The following DLGAP2 variants were observed in gnomAD, a reference collection of about 807,000 sequenced individuals.
The protein encoded by DLGAP2 is disks large-associated protein 2.
A neutral mutation model predicts 100.3 loss-of-function variants in DLGAP2; 26 were observed. That is an observed-to-expected ratio of 0.26 (90% CI 0.19 to 0.36). DLGAP2 has a LOEUF of 0.36. DLGAP2 is among the 10% of genes least tolerant of loss of function. DLGAP2 has a pLI of 1.00. For missense variants in DLGAP2, 1,858 were observed against 1,453.2 expected, an observed-to-expected ratio of 1.28 and a Z score of -4.53; for synonymous variants, 886 against 630.1, an observed-to-expected ratio of 1.41 and a Z score of -6.08.
At chr8:742,860 A>T (rs868546704) in intron 1 of DLGAP2, among the ~76,000 whole-genome samples, 1 of 152,072 alleles carries the variant, frequency 6.6e-6, no homozygotes, top group African/African-American at 2.4e-5. Context: ...CATCACTAAG[A>T]GTGGGGCCAA....
chr8:1,588,009 C>T (rs935484581), intron 6 of DLGAP2, among the ~76,000 whole-genome samples: 2 of 152,160 alleles, frequency 1.3e-5, no homozygotes, highest in African/African-American at 4.8e-5. Context: ...AACCAAGGGC[C>T]TTACCTGAGT....
intron 8 of DLGAP2, among the ~76,000 whole-genome samples, chr8:1,658,321 C>T (rs1008774628): frequency 1.3e-5 from 2 of 152,106 alleles, no homozygotes; most frequent in Admixed American, 6.5e-5. Flanking sequence ...TATGAAAGCT[C>T]CTAGTCTGCA....
intron 1 of DLGAP2, among the ~76,000 whole-genome samples, chr8:861,983 C>A (rs764562799): frequency 6.6e-6 from 1 of 152,206 alleles, no homozygotes; most frequent in African/African-American, 2.4e-5. Context: ...AAATTCTCAT[C>A]CCACCAACTG....
intron 3 of DLGAP2, among the ~76,000 whole-genome samples, chr8:1,428,154 GA>G (rs1797290376): frequency 7.1e-6 from 1 of 141,278 alleles, no homozygotes; most frequent in Non-Finnish European, 1.6e-5. Flanking sequence ...AATCAAAATA[GA>G]AAACAAAATG....
chr8:784,441 G>T (rs1453264215), intron 1 of DLGAP2, among the ~76,000 whole-genome samples: 1 of 152,206 alleles, frequency 6.6e-6, no homozygotes, highest in Non-Finnish European at 1.5e-5. Context: ...GGAGGAGATG[G>T]AATGGAAATA....
chr8:1,626,974 CG>C (rs1160492125), intron 7 of DLGAP2, 87 bp downstream of exon 7: 2 of 1,469,062 alleles, frequency 1.4e-6, no homozygotes, highest in African/African-American at 2.8e-5. Flanking sequence ...GTGGCGATGG[CG>C]CTGCCCTCCT....
intron 2 of DLGAP2, among the ~76,000 whole-genome samples, chr8:1,182,953 A>G (rs1444121807): frequency 1.3e-5 from 2 of 152,102 alleles, no homozygotes; most frequent in East Asian, 1.9e-4. Flanking sequence ...GACGCGCACC[A>G]TGGAGCCGGT....
intron 2 of DLGAP2, among the ~76,000 whole-genome samples, chr8:1,168,608 G>C (rs1797066030): frequency 1.3e-5 from 2 of 148,904 alleles, no homozygotes; most frequent in South Asian, 2.2e-4. Flanking sequence ...TTGTGGTTTT[G>C]ATTTGCATTT....
chr8:1,242,305 G>A (rs190520799), intron 2 of DLGAP2, among the ~76,000 whole-genome samples: 14 of 152,260 alleles, frequency 9.2e-5, no homozygotes, highest in African/African-American at 2.9e-4. Flanking sequence ...TGCAGGTGAC[G>A]GGGCAGGGCG....
intron 3 of DLGAP2, among the ~76,000 whole-genome samples, chr8:1,340,856 G>C (rs1174265348): frequency 6.6e-6 from 1 of 152,168 alleles, no homozygotes; most frequent in Non-Finnish European, 1.5e-5. Context: ...TGGTAGATTG[G>C]ATAAAGAAAA....
chr8:1,262,898 T>G (rs1040491934), intron 3 of DLGAP2, among the ~76,000 whole-genome samples: 1 of 98,326 alleles, frequency 1.0e-5, no homozygotes, highest in African/African-American at 3.8e-5. Context: ...GTTCATGGAT[T>G]TGTCTGTTGG....
chr8:1,335,239 C>T (rs1801248061), intron 3 of DLGAP2, among the ~76,000 whole-genome samples: 1 of 152,190 alleles, frequency 6.6e-6, no homozygotes, highest in Non-Finnish European at 1.5e-5. Context: ...CTTCGAGCTC[C>T]AAACCAGCTG....
intron 3 of DLGAP2, among the ~76,000 whole-genome samples, chr8:1,328,547 C>T (rs1801076139): frequency 6.6e-6 from 1 of 151,984 alleles, no homozygotes; most frequent in Non-Finnish European, 1.5e-5. Flanking sequence ...GACAGGGTTT[C>T]ACCATGTTGG....
intron 3 of DLGAP2, among the ~76,000 whole-genome samples, chr8:1,431,479 G>C (rs768097412): frequency 1.3e-5 from 2 of 152,216 alleles, no homozygotes; most frequent in Non-Finnish European, 2.9e-5. Flanking sequence ...ACAATGCATA[G>C]AAACAGCAGC....
At chr8:1,382,311 CAGG>C (rs1235772250) in intron 3 of DLGAP2, among the ~76,000 whole-genome samples, 2 of 152,206 alleles carry the variant, frequency 1.3e-5, no homozygotes, top group Admixed American at 1.3e-4. Context: ...TGAGTGGGCT[CAGG>C]AGGAGAAGAG....
intron 1 of DLGAP2, among the ~76,000 whole-genome samples, chr8:823,798 C>T (rs545441804): frequency 6.6e-5 from 10 of 152,186 alleles, no homozygotes; most frequent in Admixed American, 1.3e-4. Context: ...GGAGGCCATT[C>T]GGGAGCCCGG....
intron 1 of DLGAP2, among the ~76,000 whole-genome samples, chr8:897,636 C>G (rs1195792603): frequency 6.6e-6 from 1 of 152,204 alleles, no homozygotes; most frequent in Non-Finnish European, 1.5e-5. Flanking sequence ...CCCCCTGCAT[C>G]TTCTGTTCCC....
intron 2 of DLGAP2, among the ~76,000 whole-genome samples, chr8:1,037,365 C>A (rs1172715798): frequency 6.6e-6 from 1 of 152,144 alleles, no homozygotes; most frequent in Non-Finnish European, 1.5e-5. Context: ...ATCTGCTGTT[C>A]CGCCTCGGGC....
chr8:1,364,155 C>A (rs1585302071), intron 3 of DLGAP2, among the ~76,000 whole-genome samples: 1 of 152,334 alleles, frequency 6.6e-6, no homozygotes, highest in East Asian at 1.9e-4. Context: ...GTGCCTCCTC[C>A]CACTGGATGA....
Sources: gnomAD v4.1 joint callset for allele counts (sites outside exome capture counted in the v4.1 genomes callset) on GRCh38, gnomAD v4.1.1 for gene constraint, MANE v1.5 for transcripts, NCBI Gene and HGNC (gene_info 2026-07-23, HGNC 2026-07-21) for gene names.